Variants in MPHOSPH9 observed in about 807,000 individuals in gnomAD.
The protein encoded by MPHOSPH9 is M-phase phosphoprotein 9.
In MPHOSPH9, 88 loss-of-function variants were observed where a neutral mutation model predicts 145.5. The observed-to-expected ratio is 0.60, with a 90% CI of 0.51 to 0.72. The LOEUF (loss-of-function observed/expected upper bound fraction) is 0.72. Among genes scored for constraint, MPHOSPH9 ranks in the 30% least tolerant of loss-of-function variants. The probability of loss-of-function intolerance (pLI) is 0.00; values close to 1 mark genes in which losing one functional copy is unlikely to be tolerated. For missense variants in MPHOSPH9, 1,238 were observed against 1,386.6 expected (o/e 0.89, Z 1.70); for synonymous variants, 435 against 486.2 (o/e 0.89, Z 1.39).
Position 123,180,003 on chromosome 12 carries a change from A to C in MPHOSPH9, c.2290-13T>G. On this transcript the variant is annotated splice_polypyrimidine_tract_variant and intron_variant, in intron 14 of 23. Coordinates refer to ENST00000606320, the MANE Select transcript of MPHOSPH9 (RefSeq NM_022782.4). ...TATTTAATGCATCCTATGGAAATAA[A>C]GGAGAAATTCAGATAACTGAAGACA... 3 of 1,342,880 alleles carry C rather than the reference A, an allele frequency of 2.2e-6. No homozygotes were observed. The highest frequency in any genetic ancestry group is 3.1e-6 in the Non-Finnish European group (3 of 982,756). 83.2% of individuals were successfully genotyped at this position (1,342,880 alleles called of 1,614,324 possible). A position where few individuals can be genotyped will look rare whatever the true frequency, so the allele number is the denominator to read the frequency against.
In MPHOSPH9 at chr12:123,158,225, G is replaced by C. The variant is rs886378880; in HGVS notation, c.3451-1317C>G. On this transcript the variant is annotated intron_variant, in intron 23 of 23. Transcript: ENST00000606320. ...AGCTGGTCTTGAACTCCTGACTGCA[G>C]GTGATCTGATCTGCCCACCTCAGCC... Among the ~76,000 whole-genome samples the C allele has an allele frequency of 3.3e-5, 5 of 151,992 alleles. No homozygotes were observed. In the South Asian group the frequency reaches 1.0e-3, roughly 32 times the overall value.
chr12:123,239,066 C>T (rs1372830450), intron 1 of MPHOSPH9, among the ~76,000 whole-genome samples: 2 of 152,154 alleles, frequency 1.3e-5, no homozygotes, highest in Non-Finnish European at 2.9e-5. Context: ...AGTTTGAGTT[C>T]CAGACCAGCC....
chr12:123,222,560 A>C (rs1333294380), intron 4 of MPHOSPH9, among the ~76,000 whole-genome samples: 2 of 152,158 alleles, frequency 1.3e-5, no homozygotes, highest in Non-Finnish European at 2.9e-5. Context: ...AGGCTGGAGC[A>C]GGAGAATTGC....
chr12:123,157,846 T>A (rs1565890682), intron 23 of MPHOSPH9, among the ~76,000 whole-genome samples: 1 of 152,128 alleles, frequency 6.6e-6, no homozygotes, highest in Non-Finnish European at 1.5e-5. Flanking sequence ...AAACTTAAAA[T>A]TTTTTTCTTT....
downstream of MPHOSPH9, among the ~76,000 whole-genome samples, chr12:123,153,955 C>G (rs1002893866): frequency 1.3e-5 from 2 of 152,172 alleles, no homozygotes; most frequent in Non-Finnish European, 2.9e-5. Context: ...TGACCCAGGT[C>G]TCTCTGGCTC....
At chr12:123,235,464 A>G (rs550620075), upstream of MPHOSPH9, among the ~76,000 whole-genome samples, 6 of 151,754 alleles carry the variant, frequency 4.0e-5, no homozygotes, top group African/African-American at 1.5e-4. Flanking sequence ...CCCCAGGTTC[A>G]CGCCATTCTC....
intron 16 of MPHOSPH9, among the ~76,000 whole-genome samples, chr12:123,170,309 AT>A (rs1280667341): frequency 6.6e-6 from 1 of 151,574 alleles, no homozygotes; most frequent in Non-Finnish European, 1.5e-5. Flanking sequence ...CATCTGGCTA[AT>A]TTTTTTGTAT....
chr12:123,239,797 T>A (rs1308947181), intron 1 of MPHOSPH9, among the ~76,000 whole-genome samples: 1 of 152,098 alleles, frequency 6.6e-6, no homozygotes, highest in African/African-American at 2.4e-5. Flanking sequence ...TGACCCAGTT[T>A]CCCAATCTCC....
Position 123,214,888 on chromosome 12 carries a change from C to A in MPHOSPH9, c.997-54G>T. 29 of 1,423,944 alleles carry A rather than the reference C, an allele frequency of 2.0e-5. 1 individual carries two copies. The South Asian group carries it at 3.3e-4, about 16-fold the overall frequency. The allele number at this position is 1,423,944 out of a possible 1,614,324, so 88.2% of individuals were successfully genotyped here. On this transcript the variant is annotated intron_variant, in intron 6 of 23. Coordinates refer to ENST00000606320, the MANE Select transcript of MPHOSPH9 (RefSeq NM_022782.4). ...GCTAAAAGTCATTAGGCACAATCTG[C>A]TGACCCAAGAAATGAGAGCCAGGCC...
intron 6 of MPHOSPH9, among the ~76,000 whole-genome samples, chr12:123,216,992 A>AAAATAAAT (rs147074304): frequency 1.3e-5 from 2 of 149,070 alleles, no homozygotes; most frequent in African/African-American, 4.9e-5. Flanking sequence ...CCATGTCAAA[A>AAAATAAAT]AAATAAATAA....
chr12:123,160,129 C>T (rs2044045129), intron 23 of MPHOSPH9: 1 of 152,340 alleles, frequency 6.6e-6, no homozygotes, highest in Non-Finnish European at 1.5e-5. Flanking sequence ...CATCAGCCTC[C>T]CAAAGTGCTG....
rs747420259 is a variant in MPHOSPH9 at position 123,202,767 on chromosome 12, A to T, written c.1638T>A (p.Asp546Glu). Residue 546 changes from aspartate to glutamate, a missense_variant, in exon 10 of 24, where the codon GAT becomes GAA. Physicochemically the swap from Asp to Glu is conservative, Grantham distance 45. Transcript: ENST00000606320. ...FPSVYTITSNDISVNTVDEEN... is the reference protein window; with the variant it reads ...FPSVYTITSNEISVNTVDEEN... ...CTTCATCTACAGTGTTGACCGAGATATCATTACTAGTAATGGTATATACTG... is the reference window on the plus strand; with the variant it reads ...CTTCATCTACAGTGTTGACCGAGATTTCATTACTAGTAATGGTATATACTG... 3 of 1,614,206 alleles carry T rather than the reference A, an allele frequency of 1.9e-6. No individual in the cohort carries two copies. In the Admixed American group the frequency reaches 5.0e-5, roughly 27 times the overall value.
rs1325797916 is a variant in MPHOSPH9, at chr12:123,227,448, A to T, written c.258+15T>A. The T allele has an allele frequency of 2.1e-6, 3 of 1,442,656 alleles. No individual in the cohort carries two copies. The highest frequency in any genetic ancestry group is 5.0e-5 in the East Asian group (2 of 39,738). The allele number at this position is 1,442,656 out of a possible 1,614,324, so 89.4% of individuals were successfully genotyped here. ...AATTATTTTAAAATTCCAAAAATAA[A>T]ACAAAATTAGATACCTCACAGTTTT... On this transcript the variant is annotated intron_variant, in intron 3 of 23. Transcript: ENST00000606320.
chr12:123,226,644 A>C (rs2047448372), intron 3 of MPHOSPH9, among the ~76,000 whole-genome samples: 1 of 151,452 alleles, frequency 6.6e-6, no homozygotes, highest in Non-Finnish European at 1.5e-5. Context: ...TTATATATAG[A>C]GAGAGACAGG....
In MPHOSPH9 at chr12:123,218,434, T is replaced by A; in HGVS notation, c.938A>T (p.Asp313Val). Residue 313 changes from aspartate to valine, a missense_variant, in exon 6 of 24, where the codon GAT becomes GTT. Physicochemically the swap from Asp to Val is radical, Grantham distance 152. Transcript: ENST00000606320. ...QNQPKRAHVE[D>V]GGSRSKQGNE... Reference sequence around the variant, plus strand: ...TCCTTGTTTAGATCTTGAACCTCCATCTTCTACATGTGCTCTCTTTGGTTG... The same window carrying A: ...TCCTTGTTTAGATCTTGAACCTCCAACTTCTACATGTGCTCTCTTTGGTTG... 1 of 1,614,118 alleles carries A rather than the reference T, an allele frequency of 6.2e-7. No individual in the cohort carries two copies. The highest frequency in any genetic ancestry group is 8.5e-7 in the Non-Finnish European group (1 of 1,179,956).
Position 123,214,857 on chromosome 12 carries a change from T to C in MPHOSPH9, c.997-23A>G, listed in dbSNP as rs568106892. On this transcript the variant is annotated intron_variant, in intron 6 of 23. Transcript: ENST00000606320. ...AGACTACAAGAAAGAAAACTATTGATTGACAGCTAAAAGTCATTAGGCACA... is the reference window on the plus strand; with the variant it reads ...AGACTACAAGAAAGAAAACTATTGACTGACAGCTAAAAGTCATTAGGCACA... 8.3e-5 allele frequency: 132 copies of C among 1,582,706 alleles called. 1 individual carries two copies. In the South Asian group the frequency reaches 1.3e-3, roughly 16 times the overall value.
At chr12:123,201,879 G>T (rs1166448432) in intron 11 of MPHOSPH9, among the ~76,000 whole-genome samples, 1 of 152,082 alleles carries the variant, frequency 6.6e-6, no homozygotes, top group African/African-American at 2.4e-5. Context: ...ATAAGCCATA[G>T]ACTTATTAGA....
intron 8 of MPHOSPH9, among the ~76,000 whole-genome samples, chr12:123,209,477 G>T (rs1206334709): frequency 6.6e-6 from 1 of 151,928 alleles, no homozygotes; most frequent in Non-Finnish European, 1.5e-5. Flanking sequence ...CACAATCTCG[G>T]TTCAGTGCAA....
At chr12:123,172,250 C>T (rs2044615672) in intron 16 of MPHOSPH9, among the ~76,000 whole-genome samples, 1 of 152,014 alleles carries the variant, frequency 6.6e-6, no homozygotes, top group African/African-American at 2.4e-5. Flanking sequence ...CAAAAGCTGC[C>T]GTAGATGCTA....
Sources: allele counts gnomAD v4.1 joint callset (sites outside exome capture counted in the v4.1 genomes callset), GRCh38; gene constraint gnomAD v4.1.1; transcripts MANE v1.5; gene names NCBI Gene and HGNC (gene_info 2026-07-23, HGNC 2026-07-21).